Variants in JAZF1 observed in about 807,000 individuals in gnomAD.
JAZF1 encodes juxtaposed with another zinc finger protein 1.
A neutral mutation model predicts 26.4 loss-of-function variants in JAZF1; 8 were observed. The ratio of observed to expected loss-of-function variants is 0.30; its 90% CI spans 0.18 to 0.55. The LOEUF is 0.55. JAZF1 is among the 20% of genes least tolerant of loss of function. JAZF1 has a pLI of 0.94. For missense variants in JAZF1, 199 were observed against 322.0 expected (o/e 0.62, Z 2.92); for synonymous variants, 126 against 122.3 (o/e 1.03, Z -0.20).
chr7:28,010,251 C>T (rs546829518), intron 1 of JAZF1, among the ~76,000 whole-genome samples: 4 of 152,250 alleles, frequency 2.6e-5, no homozygotes, highest in African/African-American at 9.6e-5. Context: ...ATTTGTTCTC[C>T]TACTCCCTCC....
At chr7:28,114,223 C>T (rs2127934658) in intron 1 of JAZF1, among the ~76,000 whole-genome samples, 1 of 152,312 alleles carries the variant, frequency 6.6e-6, no homozygotes, top group South Asian at 2.1e-4. Context: ...CCATGCTCCA[C>T]TGATGCTTTC....
At chr7:28,059,708 T>TTA (rs763348298) in intron 1 of JAZF1, among the ~76,000 whole-genome samples, 3 of 152,170 alleles carry the variant, frequency 2.0e-5, no homozygotes, top group Non-Finnish European at 4.4e-5. Context: ...ATTGCTTTAT[T>TTA]TATCCTCATT....
intron 2 of JAZF1, among the ~76,000 whole-genome samples, chr7:27,980,145 C>T (rs1475172503): frequency 6.6e-6 from 1 of 152,220 alleles, no homozygotes; most frequent in East Asian, 1.9e-4. Flanking sequence ...GATATCCCAA[C>T]AGGTCAAGCT....
In JAZF1 at chr7:28,180,528, C is replaced by A; in HGVS notation, c.50G>T (p.Gly17Val). 9 of 1,610,678 alleles carry A rather than the reference C, an allele frequency of 5.6e-6. No homozygotes were observed. The highest frequency in any genetic ancestry group is 7.6e-6 in the Non-Finnish European group (9 of 1,178,822). ...GGTGGGGAAGTGGAGTCCGCAGCCC[C>A]CGAATCGGCAGGTATTGGAGAAGAA... is the stretch of plus-strand genomic sequence containing the variant. The part of the protein sequence containing the change: ...ASFFSNTCRF[G>V]GCGLHFPTLA... The change falls in exon 1 of 5, where the codon GGG (glycine) becomes GTG (valine). Residue 17 changes from glycine (G) to valine (V), a missense_variant. Around this residue, in one of 2 missense-constraint regions of JAZF1, gnomAD observed 137 missense variants for 184.8 expected, o/e 0.74. Transcript: ENST00000283928.
Position 28,027,052 on chromosome 7 carries a change from C to G in JAZF1, c.116-35071G>C, listed in dbSNP as rs117539986. Among the ~76,000 whole-genome samples, 794 of 152,308 alleles carry G rather than the reference C, an allele frequency of 5.2e-3. 4 individuals are homozygous for G. The highest frequency in any genetic ancestry group is 0.014 in the Middle Eastern group (4 of 294). The stretch of plus-strand genomic sequence containing the variant: ...GGCTGGTGAAAGTCTCCAAGCTCTG[C>G]GCTCACCACAGACTCAGGCCCCTAA... On this transcript the variant is annotated intron_variant, in intron 1 of 4. Transcript: ENST00000283928.
intron 1 of JAZF1, among the ~76,000 whole-genome samples, chr7:27,993,965 C>T (rs1407016517): frequency 1.3e-5 from 2 of 152,182 alleles, no homozygotes; most frequent in African/African-American, 4.8e-5. Flanking sequence ...ATTCCTGTAA[C>T]TGACATTCCC....
At chr7:27,913,585 T>C (rs1784397962) in intron 2 of JAZF1, 1 of 228,380 alleles carries the variant, frequency 4.4e-6, no homozygotes, top group Non-Finnish European at 9.5e-6. Context: ...TCACACTGAG[T>C]CAGAGCACAC....
At chr7:28,145,745 A>T (rs1375377577) in intron 1 of JAZF1, among the ~76,000 whole-genome samples, 1 of 151,630 alleles carries the variant, frequency 6.6e-6, no homozygotes, top group Non-Finnish European at 1.5e-5. Flanking sequence ...CATTTGCAGC[A>T]CCCCAATAAC....
intron 1 of JAZF1, among the ~76,000 whole-genome samples, chr7:28,078,929 C>A (rs533748156): frequency 6.6e-5 from 10 of 152,042 alleles, no homozygotes; most frequent in Non-Finnish European, 1.5e-4. Flanking sequence ...TTGGTAGGGA[C>A]CTGAGATGCC....
At chr7:27,879,516 C>T (rs946218965) in intron 3 of JAZF1, among the ~76,000 whole-genome samples, 16 of 152,238 alleles carry the variant, frequency 1.1e-4, no homozygotes, top group African/African-American at 3.9e-4. Context: ...CTCTAAGATA[C>T]TTAATGAGTT....
intron 1 of JAZF1, among the ~76,000 whole-genome samples, chr7:27,992,898 A>G (rs1355800644): frequency 6.6e-6 from 1 of 152,174 alleles, no homozygotes; most frequent in Admixed American, 6.5e-5. Flanking sequence ...ATGTAATGAC[A>G]GATGTTGTTT....
At chr7:27,876,385 C>T (rs1783680364) in intron 3 of JAZF1, among the ~76,000 whole-genome samples, 2 of 152,144 alleles carry the variant, frequency 1.3e-5, no homozygotes, top group South Asian at 4.1e-4. Flanking sequence ...CACCTTGACT[C>T]TTGGGAGAGC....
rs1785391219 is a variant in JAZF1, at chr7:27,972,469, G to A, written c.188+19440C>T. 3.9e-5 allele frequency among the ~76,000 whole-genome samples: 6 copies of A among 152,168 alleles called. No homozygotes were observed. The South Asian group carries it at 1.2e-3, about 32-fold the overall frequency. ...GGTGAGGCTGGAGAAGTGAGGGGAT[G>A]CCTGGTCGCAGAAGCCATGTTGGCC... On this transcript the variant is annotated intron_variant, in intron 2 of 4. Coordinates refer to ENST00000283928, the MANE Select transcript of JAZF1 (RefSeq NM_175061.4).
At chr7:28,090,822 T>G (rs1214290485) in intron 1 of JAZF1, among the ~76,000 whole-genome samples, 1 of 145,230 alleles carries the variant, frequency 6.9e-6, no homozygotes, top group African/African-American at 2.5e-5. Context: ...TAGTTGTTTT[T>G]TTTTTTTTTT....
chr7:28,161,331 T>C (rs1783284097), intron 1 of JAZF1, among the ~76,000 whole-genome samples: 1 of 144,292 alleles, frequency 6.9e-6, no homozygotes, highest in Non-Finnish European at 1.5e-5. Context: ...TAGGAAGTCC[T>C]ACAGAAACCC....
chr7:27,909,999 C>T lies in JAZF1; in HGVS notation c.189-14583G>A, dbSNP rs913313469. On this transcript the variant is annotated intron_variant, in intron 2 of 4. Coordinates refer to ENST00000283928, the MANE Select transcript of JAZF1 (RefSeq NM_175061.4). ...CAATTAAGATGGCCAGCAGCATAACCGCAGGGACACAACACACACTGCCAA... is the reference window on the plus strand; with the variant it reads ...CAATTAAGATGGCCAGCAGCATAACTGCAGGGACACAACACACACTGCCAA... Among the ~76,000 whole-genome samples, 6 of 152,140 alleles carry T rather than the reference C, an allele frequency of 3.9e-5. 1 individual carries two copies. The highest frequency in any genetic ancestry group is 1.4e-4 in the African/African-American group (6 of 41,426).
At chr7:27,854,271 C>G (rs545237513) in intron 3 of JAZF1, among the ~76,000 whole-genome samples, 3 of 152,014 alleles carry the variant, frequency 2.0e-5, no homozygotes, top group Non-Finnish European at 4.4e-5. Flanking sequence ...TGTTTTTGCA[C>G]GAGATGGGTC....
chr7:28,056,511 A>G (rs1441810313), intron 1 of JAZF1, among the ~76,000 whole-genome samples: 1 of 151,938 alleles, frequency 6.6e-6, no homozygotes, highest in Non-Finnish European at 1.5e-5. Context: ...GACTGAATGT[A>G]TTATCTGAGT....
intron 2 of JAZF1, among the ~76,000 whole-genome samples, chr7:27,921,488 C>T (rs1432976989): frequency 6.6e-6 from 1 of 152,054 alleles, no homozygotes; most frequent in Non-Finnish European, 1.5e-5. Flanking sequence ...GTCAAAACTT[C>T]GTAAATCAGA....
Sources: allele counts gnomAD v4.1 joint callset (sites outside exome capture counted in the v4.1 genomes callset), GRCh38; gene constraint gnomAD v4.1.1; regional missense constraint gnomAD v4.1.1; transcripts MANE v1.5; gene names NCBI Gene and HGNC (gene_info 2026-07-23, HGNC 2026-07-21).